STAB1: variants seen among roughly 807,000 people sequenced by gnomAD.
STAB1 encodes stabilin 1, also known as stabilin-1.
Under a neutral mutation model 332.4 loss-of-function variants are expected in STAB1, and 250 were observed. The observed-to-expected ratio is 0.75, with a 90% CI of 0.68 to 0.84. The LOEUF (loss-of-function observed/expected upper bound fraction) is 0.84. Among genes scored for constraint, STAB1 ranks in the 40% least tolerant of loss-of-function variants. The pLI is 0.00. For synonymous variants in STAB1, 1,475 were observed against 1,390.4 expected (o/e 1.06, Z -1.35); for missense variants, 3,249 against 3,489.7 (o/e 0.93, Z 1.74).
chr3:52,519,803 A>G (rs1301659361), intron 50 of STAB1, 141 bp from the exon 51 acceptor site: 8 of 1,214,796 alleles, frequency 6.6e-6, no homozygotes, highest in African/African-American at 3.0e-5. Context: ...AGATGTGTGC[A>G]CACACATGCC....
rs374590616 is a variant in STAB1, at chr3:52,504,449, C to T, written c.1151-12C>T. On this transcript the variant is annotated splice_polypyrimidine_tract_variant and intron_variant, in intron 10 of 68. Coordinates refer to ENST00000321725, the MANE Select transcript of STAB1 (RefSeq NM_015136.3). ...CAGCTCCCTTCTGATGCTCCCTCAC[C>T]CTGCCCCCCAGACCAGGGCTGCCGG... 4.0e-4 allele frequency: 643 copies of T among 1,613,686 alleles called. No homozygotes were observed. The highest frequency in any genetic ancestry group is 5.2e-4 in the Non-Finnish European group (615 of 1,179,842).
chr3:52,517,972 A>G lies in STAB1; in HGVS notation c.4730A>G (p.Asp1577Gly), dbSNP rs749099743. Residue 1577 changes from aspartate to glycine, a missense_variant, in exon 45 of 69, where the codon GAC becomes GGC. Asp to Gly is a moderately conservative substitution (Grantham distance 94, BLOSUM62 -1). Transcript: ENST00000321725. Reference protein sequence around the residue: ...CTCDTAHTVGDGLTCRARVGL... With the variant: ...CTCDTAHTVGGGLTCRARVGL... Reference sequence around the variant, plus strand: ...TGCGACACAGCCCACACCGTGGGGGACGGCCTCACCTGCCGTGCCCGAGTC... The same window carrying G: ...TGCGACACAGCCCACACCGTGGGGGGCGGCCTCACCTGCCGTGCCCGAGTC... 6.2e-7 allele frequency: 1 copy of G among 1,607,570 alleles called. No individual in the cohort carries two copies. The highest frequency in any genetic ancestry group is 2.2e-5 in the East Asian group (1 of 44,832).
At position 52,516,268 on chromosome 3, in the gene STAB1, C is replaced by G; in HGVS notation, c.4144+30C>G. ...GGACTGGGGAGGGGCGGGGGTGGGCCTCCTGGCAGCAGAGAGCAGCCTGGA... is the reference window on the plus strand; with the variant it reads ...GGACTGGGGAGGGGCGGGGGTGGGCGTCCTGGCAGCAGAGAGCAGCCTGGA... On this transcript the variant is annotated intron_variant, in intron 38 of 68. Transcript: ENST00000321725. 1.9e-6 allele frequency: 3 copies of G among 1,606,854 alleles called. No homozygotes were observed. The African/African-American group carries it at 4.0e-5, about 22-fold the overall frequency.
intron 18 of STAB1, among the ~76,000 whole-genome samples, chr3:52,507,326 T>G (rs998639954): frequency 1.3e-5 from 2 of 152,354 alleles, no homozygotes; most frequent in Non-Finnish European, 1.5e-5. Context: ...ATTACAGGCA[T>G]GAGCCACTGA....
In STAB1 at chr3:52,519,248, C is replaced by G; in HGVS notation, c.5035-16C>G. 6.2e-7 allele frequency: 1 copy of G among 1,607,728 alleles called. No homozygotes were observed. ...CCCCACCTATCTGCTTCATCAGCCC[C>G]GTGCCCCGCCCCCAGGGCAGCATAT... On this transcript the variant is annotated splice_polypyrimidine_tract_variant and intron_variant, in intron 48 of 68. Coordinates refer to ENST00000321725, the MANE Select transcript of STAB1 (RefSeq NM_015136.3).
chr3:52,496,236 A>G (rs1708014093), intron 1 of STAB1, among the ~76,000 whole-genome samples: 1 of 152,234 alleles, frequency 6.6e-6, no homozygotes, highest in African/African-American at 2.4e-5. Flanking sequence ...GGTCCCTGTG[A>G]CAGGCTCCTG....
chr3:52,514,410 T>A lies in STAB1; in HGVS notation c.3592T>A (p.Ser1198Thr). The change falls in exon 34 of 69, where the codon TCC (serine) becomes ACC (threonine). Residue 1198 changes from serine (S) to threonine (T), a missense_variant. Coordinates refer to ENST00000321725, the MANE Select transcript of STAB1 (RefSeq NM_015136.3). ...CCATGTGGTCCTGGGGGAGGCCCTC[T>A]CCATGGAAACCCTGCGGAAGGGTGG... ...RHHVVLGEALSMETLRKGGHR... is the reference protein window; with the variant it reads ...RHHVVLGEALTMETLRKGGHR... 3.2e-6 allele frequency: 5 copies of A among 1,553,562 alleles called. No individual in the cohort carries two copies. The highest frequency in any genetic ancestry group is 4.4e-6 in the Non-Finnish European group (5 of 1,149,200).
intron 21 of STAB1, 48 bp from the exon 22 acceptor site, chr3:52,509,162 A>C: frequency 1.4e-4 from 207 of 1,515,854 alleles, no homozygotes; most frequent in Non-Finnish European, 1.7e-4. Flanking sequence ...GAGGGGATGT[A>C]GAGAGTCCCT....
At chr3:52,502,846 G>C in intron 6 of STAB1, 119 bp downstream of exon 6, 1 of 1,265,512 alleles carries the variant, frequency 7.9e-7, no homozygotes, top group Non-Finnish European at 1.1e-6. Context: ...AGCCTAGTTG[G>C]GGAAGGGGTG....
At position 52,517,625 on chromosome 3, in the gene STAB1, G is replaced by T. The variant is rs1360885341; in HGVS notation, c.4638+1G>T. On this transcript the variant is annotated splice_donor_variant, in intron 44 of 68. Coordinates refer to ENST00000321725, the MANE Select transcript of STAB1 (RefSeq NM_015136.3). LOFTEE classifies it high-confidence loss of function. ...CGAGCTCCTGGACCCCTGCTCTAAGGTCAGGACCCTAGTCCTGTCCTCCTT... is the reference window on the plus strand; with the variant it reads ...CGAGCTCCTGGACCCCTGCTCTAAGTTCAGGACCCTAGTCCTGTCCTCCTT... The T allele has an allele frequency of 1.2e-5, 19 of 1,612,528 alleles. No individual in the cohort carries two copies. The highest frequency in any genetic ancestry group is 1.4e-5 in the Non-Finnish European group (16 of 1,179,816).
Position 52,520,392 on chromosome 3 carries a change from C to T in STAB1, c.5500-8C>T, listed in dbSNP as rs1426577071. On this transcript the variant is annotated splice_region_variant and splice_polypyrimidine_tract_variant and intron_variant, in intron 52 of 68. Coordinates refer to ENST00000321725, the MANE Select transcript of STAB1 (RefSeq NM_015136.3). ...GACCCTTGCATACCTCATATTCTCT[C>T]CTTGCAGGGTGAGCTCATGGTGGGT... is the stretch of plus-strand genomic sequence containing the variant. 2 of 1,611,898 alleles carry T rather than the reference C, an allele frequency of 1.2e-6. No homozygotes were observed. Among genetic ancestry groups the T allele is most frequent in the East Asian group, 2.2e-5 (1 of 44,846 alleles).
rs1200749726 is a variant in STAB1 at position 52,522,446 on chromosome 3, T to A, written c.6582T>A (p.Asp2194Glu). The A allele has an allele frequency of 6.2e-7, 1 of 1,613,174 alleles. No individual in the cohort carries two copies. ...CLGQPPPCHS[D>E]AMCTDLHFQE... is the part of the protein sequence containing the mutation. Reference sequence around the variant, plus strand: ...GCCAGCCACCGCCCTGCCACTCAGATGCCATGTGCACTGACCTGCACTTCC... The same window carrying A: ...GCCAGCCACCGCCCTGCCACTCAGAAGCCATGTGCACTGACCTGCACTTCC... Residue 2194 changes from aspartate to glutamate, a missense_variant, in exon 60 of 69, where the codon GAT becomes GAA. Transcript: ENST00000321725.
chr3:52,513,313 C>A lies in STAB1; in HGVS notation c.3270+72C>A. 1.2e-5 allele frequency: 17 copies of A among 1,435,848 alleles called. No individual in the cohort carries two copies. The South Asian group carries it at 2.1e-4, about 18-fold the overall frequency. The allele number at this position is 1,435,848 out of a possible 1,614,324, so 88.9% of individuals were successfully genotyped here. On this transcript the variant is annotated intron_variant, in intron 30 of 68. Transcript: ENST00000321725. ...GAGGGAGCCTGAGTGGCTGCAGGCT[C>A]TCCCACATCAGGGGCCCCATGGGAT...
At position 52,510,067 on chromosome 3, in the gene STAB1, A is replaced by G. The variant is rs750332102; in HGVS notation, c.2534+11A>G. On this transcript the variant is annotated intron_variant, in intron 23 of 68. Coordinates refer to ENST00000321725, the MANE Select transcript of STAB1 (RefSeq NM_015136.3). ...GGAGGGTGTTGCCAGGTGAGGACCC[A>G]CACCTTCTGTCTGCCCCACCCGTGA... 5 of 1,612,134 alleles carry G rather than the reference A, an allele frequency of 3.1e-6. No individual in the cohort carries two copies. In the African/African-American group the frequency reaches 6.7e-5, roughly 22 times the overall value.
rs769017081 is a variant in STAB1, at chr3:52,495,495, AGT to A, written c.78+8_78+9del. 2 of 1,330,688 alleles carry A rather than the reference AGT, an allele frequency of 1.5e-6. No homozygotes were observed. The highest frequency in any genetic ancestry group is 3.2e-5 in the Admixed American group (1 of 31,160). 82.4% of individuals were successfully genotyped at this position (1,330,688 alleles called of 1,614,324 possible). The stretch of plus-strand genomic sequence containing the variant: ...CTTCAGCTTCGTCAGGGGGCAGGTA[AGT>A]GTGAGCCAGTCGCAGGGGCACACGG... On this transcript the variant is annotated splice_donor_5th_base_variant and intron_variant, in intron 1 of 68. Transcript: ENST00000321725.
At chr3:52,502,930 G>T in intron 6 of STAB1, 69 bp from the exon 7 acceptor site, 1 of 1,393,406 alleles carries the variant, frequency 7.2e-7, no homozygotes, top group Non-Finnish European at 9.6e-7. Flanking sequence ...AACAGGCAAG[G>T]CCCCTTTGCC....
At chr3:52,521,116 C>G (rs1245012491) in intron 55 of STAB1, 111 bp downstream of exon 55, 1 of 1,338,774 alleles carries the variant, frequency 7.5e-7, no homozygotes, top group Non-Finnish European at 1.0e-6. Context: ...CTGGGGAGCT[C>G]TGGGTGGTGA....
At position 52,522,075 on chromosome 3, in the gene STAB1, G is replaced by A. The variant is rs750686873; in HGVS notation, c.6310G>A (p.Glu2104Lys). Residue 2104 changes from glutamate (E) to lysine (K), a missense_variant, in exon 59 of 69, where the codon GAG becomes AAG. By Grantham distance (56) the Glu-to-Lys change is moderately conservative. Coordinates refer to ENST00000321725, the MANE Select transcript of STAB1 (RefSeq NM_015136.3). ...LCQDGHGGCS[E>K]HANCSQVGTM... ...CCAGGACGGGCATGGTGGCTGCAGT[G>A]AGCACGCCAACTGTAGCCAGGTAGG... is the stretch of plus-strand genomic sequence containing the variant. 2 of 1,613,302 alleles carry A rather than the reference G, an allele frequency of 1.2e-6. No homozygotes were observed. Among genetic ancestry groups the A allele is most frequent in the South Asian group, 1.1e-5 (1 of 91,086 alleles).
chr3:52,510,552 C>A (rs1709223642), intron 25 of STAB1, 45 bp downstream of exon 25: 1 of 1,584,630 alleles, frequency 6.3e-7, no homozygotes, highest in South Asian at 1.2e-5. Context: ...TTCTGGGGGA[C>A]TCTCTCCCTG....
Sources: gnomAD v4.1 joint callset for allele counts (sites outside exome capture counted in the v4.1 genomes callset) on GRCh38, gnomAD v4.1.1 for gene constraint, MANE v1.5 for transcripts, NCBI Gene and HGNC (gene_info 2026-07-23, HGNC 2026-07-21) for gene names.